CDK8: variants seen among roughly 807,000 people sequenced by gnomAD.
The protein encoded by CDK8 is cyclin-dependent kinase 8.
In CDK8, 29 loss-of-function variants were observed where a neutral mutation model predicts 71.5. That is an observed-to-expected ratio of 0.41 (90% confidence interval 0.30 to 0.55). The LOEUF is 0.55. CDK8 is among the 20% of genes least tolerant of loss of function. The probability of loss-of-function intolerance (pLI) is 0.37; values close to 1 mark genes in which losing one functional copy is unlikely to be tolerated. For missense variants in CDK8, 288 were observed against 572.6 expected (o/e 0.50, Z 5.07); for synonymous variants, 161 against 192.1 (o/e 0.84, Z 1.34).
At chr13:26,345,175 TG>T (rs1873411685) in intron 2 of CDK8, among the ~76,000 whole-genome samples, 1 of 152,158 alleles carries the variant, frequency 6.6e-6, no homozygotes, top group Non-Finnish European at 1.5e-5. Flanking sequence ...TCATGCAGCA[TG>T]TGACTGTACG....
chr13:26,307,656 T>C lies in CDK8; in HGVS notation c.129-29911T>C, dbSNP rs920132. On this transcript the variant is annotated intron_variant, in intron 1 of 12. Transcript: ENST00000381527. ...TGTTATAGCAGCAGTAGAAAACTAA[T>C]ACACCTTCCCTGATCAGTGTAGACC... 4.1e-3 allele frequency among the ~76,000 whole-genome samples: 631 copies of C among 152,306 alleles called. 1 individual carries two copies. Among genetic ancestry groups the C allele is most frequent in the Admixed American group, 0.012 (188 of 15,302 alleles).
intron 1 of CDK8, among the ~76,000 whole-genome samples, chr13:26,271,548 G>A (rs1872320669): frequency 6.6e-6 from 1 of 152,170 alleles, no homozygotes. Context: ...ACTCATGGTT[G>A]CAATTCCAGC....
intron 1 of CDK8, among the ~76,000 whole-genome samples, chr13:26,315,090 A>G (rs1207924245): frequency 6.6e-6 from 1 of 152,154 alleles, no homozygotes; most frequent in Admixed American, 6.6e-5. Flanking sequence ...AATTCTGATA[A>G]TCACTGATAT....
At chr13:26,346,434 T>G (rs1873464445) in intron 2 of CDK8, among the ~76,000 whole-genome samples, 1 of 152,264 alleles carries the variant, frequency 6.6e-6, no homozygotes, top group Non-Finnish European at 1.5e-5. Flanking sequence ...CTTTGGAATT[T>G]GTTGTTTTTT....
At position 26,308,600 on chromosome 13, in the gene CDK8, C is replaced by A. The variant is rs554765556; in HGVS notation, c.129-28967C>A. Among the ~76,000 whole-genome samples, 36 of 152,302 alleles carry A rather than the reference C, an allele frequency of 2.4e-4. No homozygotes were observed. The South Asian group carries it at 7.5e-3, about 32-fold the overall frequency. On this transcript the variant is annotated intron_variant, in intron 1 of 12. Transcript: ENST00000381527. ...TCCCTGTTAGTATTACATAAATTAC[C>A]TTCCTGATCTTGGTAGATATTTGAG... is the stretch of plus-strand genomic sequence containing the variant.
intron 1 of CDK8, among the ~76,000 whole-genome samples, chr13:26,320,203 C>T (rs1004455316): frequency 4.6e-5 from 7 of 151,320 alleles, no homozygotes; most frequent in Non-Finnish European, 8.8e-5. Flanking sequence ...TGTTTGAGAC[C>T]AGCCTGGGCA....
rs148342937 is a variant in CDK8, at chr13:26,291,408, G to A, written c.128+36639G>A. ...TATACATATAGAAAGAGTTGTTAAC[G>A]CTGGTCTTTTGGTAGAATTCTGAAA... On this transcript the variant is annotated intron_variant, in intron 1 of 12. Coordinates refer to ENST00000381527, the MANE Select transcript of CDK8 (RefSeq NM_001260.3). 2.9e-3 allele frequency among the ~76,000 whole-genome samples: 441 copies of A among 152,238 alleles called. 6 individuals carry two copies. The highest frequency in any genetic ancestry group is 0.01 in the African/African-American group (417 of 41,532).
chr13:26,283,790 C>G (rs546255943), intron 1 of CDK8, among the ~76,000 whole-genome samples: 1 of 151,204 alleles, frequency 6.6e-6, no homozygotes, highest in East Asian at 1.9e-4. Context: ...CCCAGCTACT[C>G]GGGAGGCTGA....
intron 4 of CDK8, among the ~76,000 whole-genome samples, chr13:26,376,486 C>T (rs1355384713): frequency 6.6e-6 from 1 of 152,102 alleles, no homozygotes; most frequent in Non-Finnish European, 1.5e-5. Flanking sequence ...AAAATATATA[C>T]ACATGTTAAT....
At chr13:26,259,464 C>T (rs916329039) in intron 1 of CDK8, among the ~76,000 whole-genome samples, 1 of 151,964 alleles carries the variant, frequency 6.6e-6, no homozygotes, top group African/African-American at 2.4e-5. Context: ...GGAGGATATG[C>T]GTAGGTTATA....
chr13:26,275,452 A>C (rs1404891485), intron 1 of CDK8, among the ~76,000 whole-genome samples: 1 of 152,224 alleles, frequency 6.6e-6, no homozygotes, highest in Admixed American at 6.5e-5. Context: ...TATGGGTCCT[A>C]CATATTGCCT....
intron 1 of CDK8, among the ~76,000 whole-genome samples, chr13:26,257,400 T>A (rs1241749396): frequency 6.6e-6 from 1 of 152,234 alleles, no homozygotes; most frequent in Non-Finnish European, 1.5e-5. Context: ...GCTTCAAAGA[T>A]TCATTTCTTT....
At chr13:26,259,669 T>C (rs1432073976) in intron 1 of CDK8, among the ~76,000 whole-genome samples, 2 of 152,214 alleles carry the variant, frequency 1.3e-5, no homozygotes, top group Admixed American at 1.3e-4. Context: ...TGAGATTTCA[T>C]GCTTAAATTT....
At chr13:26,354,244 A>G (rs548208724) in intron 4 of CDK8, among the ~76,000 whole-genome samples, 3 of 152,318 alleles carry the variant, frequency 2.0e-5, no homozygotes, top group East Asian at 3.9e-4. Flanking sequence ...AGCCTACTGC[A>G]TACTAATTTA....
chr13:26,393,723 G>C (rs544994383), intron 7 of CDK8, among the ~76,000 whole-genome samples: 1 of 152,152 alleles, frequency 6.6e-6, no homozygotes, highest in Non-Finnish European at 1.5e-5. Context: ...CTGAATTTCA[G>C]GACTGTATTT....
chr13:26,304,392 A>G (rs933032345), intron 1 of CDK8, among the ~76,000 whole-genome samples: 11 of 152,044 alleles, frequency 7.2e-5, no homozygotes, highest in Non-Finnish European at 1.3e-4. Flanking sequence ...TAAATCTTTC[A>G]TGCTTTCTAT....
chr13:26,269,839 T>C (rs1383916649), intron 1 of CDK8, among the ~76,000 whole-genome samples: 3 of 152,158 alleles, frequency 2.0e-5, no homozygotes, highest in Admixed American at 2.0e-4. Context: ...GAATAGAAGA[T>C]AGCATTTGCT....
chr13:26,336,550 CTTTTTTT>C (rs1227344754), intron 1 of CDK8, among the ~76,000 whole-genome samples: 19 of 121,188 alleles, frequency 1.6e-4, no homozygotes, highest in African/African-American at 5.8e-4. Context: ...TCTGAGGAGT[CTTTTTTT>C]TTTTTTTTTT....
At position 26,405,213 on chromosome 13, in the gene CDK8, A is replaced by T. The variant is rs1876453724; in HGVS notation, c.*1132A>T. Reference sequence around the variant, plus strand: ...ATTGTTAAAAACAAGGTGTTATGTAATAAATTTATTTTTCATAAATCAAAA... The same window carrying T: ...ATTGTTAAAAACAAGGTGTTATGTATTAAATTTATTTTTCATAAATCAAAA... On this transcript the variant is annotated 3_prime_UTR_variant, in exon 13 of 13. Transcript: ENST00000381527. 5.8e-6 allele frequency: 1 copy of T among 171,338 alleles called. No homozygotes were observed. Among genetic ancestry groups the T allele is most frequent in the Non-Finnish European group, 1.3e-5 (1 of 79,256 alleles). The allele number at this position is 171,338 out of a possible 1,614,324, so 10.6% of individuals were successfully genotyped here. A position where few individuals can be genotyped will look rare whatever the true frequency, so the allele number is the denominator to read the frequency against.
Sources: gnomAD v4.1 joint callset for allele counts (sites outside exome capture counted in the v4.1 genomes callset) on GRCh38, gnomAD v4.1.1 for gene constraint, MANE v1.5 for transcripts, NCBI Gene and HGNC (gene_info 2026-07-23, HGNC 2026-07-21) for gene names.